The following SNX25 variants were observed in gnomAD, a reference collection of about 807,000 sequenced individuals.
The protein encoded by SNX25 is sorting nexin 25.
A neutral mutation model predicts 113.7 loss-of-function variants in SNX25; 62 were observed. The ratio of observed to expected loss-of-function variants is 0.55; its 90% CI spans 0.44 to 0.67. SNX25 has a LOEUF of 0.67. SNX25 is among the 30% of genes least tolerant of loss of function. The pLI is 0.00. For missense variants in SNX25, 1,014 were observed against 1,161.0 expected (o/e 0.87, Z 1.84); for synonymous variants, 421 against 436.2 (o/e 0.97, Z 0.43).
rs868094796 is a variant in SNX25, at chr4:185,333,873, A to G, written c.1914+1114A>G. Among the ~76,000 whole-genome samples, 8 of 151,352 alleles carry G rather than the reference A, an allele frequency of 5.3e-5. No homozygotes were observed. The East Asian group carries it at 9.8e-4, about 18-fold the overall frequency. ...AGCCTGGGCAACATAGGGAGACCCC[A>G]TTTCTAGTAAAAATAAAAAAAAAAA... is the stretch of plus-strand genomic sequence containing the variant. On this transcript the variant is annotated intron_variant, in intron 10 of 18. Transcript: ENST00000652585.
chr4:185,303,515 C>T (rs914226317), intron 6 of SNX25, among the ~76,000 whole-genome samples: 7 of 151,774 alleles, frequency 4.6e-5, no homozygotes, highest in African/African-American at 9.7e-5. Context: ...AAAAATTAGC[C>T]GGGCGTGGTG....
chr4:185,353,817 G>A (rs769938094), intron 15 of SNX25, among the ~76,000 whole-genome samples: 1 of 152,256 alleles, frequency 6.6e-6, no homozygotes, highest in Middle Eastern at 3.4e-3. Flanking sequence ...AGGCCAAGGC[G>A]GGTGGATCAT....
intron 10 of SNX25, among the ~76,000 whole-genome samples, chr4:185,339,154 T>A (rs1006159141): frequency 1.6e-4 from 25 of 152,212 alleles, no homozygotes; most frequent in Non-Finnish European, 1.5e-5. Context: ...TGTTTTGTAG[T>A]TTTCATTGTA....
Position 185,360,930 on chromosome 4 carries a change from A to AATATATATATATATATAT in SNX25, c.2652-988_2652-971dup, listed in dbSNP as rs3047488. On this transcript the variant is annotated intron_variant, in intron 16 of 18. Transcript: ENST00000652585. The stretch of plus-strand genomic sequence containing the variant: ...CGAGACTCCGTCTCAAAAAAAAAAT[A>AATATATATATATATATAT]ATATATATATATATATATATATAGA... Among the ~76,000 whole-genome samples, 401 of 139,498 alleles carry AATATATATATATATATAT rather than the reference A, an allele frequency of 2.9e-3. 1 individual carries two copies. The highest frequency in any genetic ancestry group is 0.01 in the African/African-American group (382 of 36,582). 91.5% of individuals were successfully genotyped at this position (139,498 alleles called of 152,430 possible).
At chr4:185,332,511 T>A (rs1310938587) in intron 9 of SNX25, 84 bp from the exon 10 acceptor site, 2 of 1,309,198 alleles carry the variant, frequency 1.5e-6, no homozygotes. Context: ...GAATGTAGTA[T>A]TTTGCAACAG....
intron 1 of SNX25, among the ~76,000 whole-genome samples, chr4:185,239,277 A>G (rs1386278060): frequency 4.0e-5 from 6 of 149,322 alleles, no homozygotes; most frequent in Non-Finnish European, 9.0e-5. Flanking sequence ...AGGTCAGGAG[A>G]TCGAGACCAT....
At chr4:185,325,586 A>AT (rs1258442953) in intron 9 of SNX25, among the ~76,000 whole-genome samples, 30 of 151,504 alleles carry the variant, frequency 2.0e-4, no homozygotes, top group Admixed American at 1.9e-3. Context: ...GCTGTATTAT[A>AT]TTGGTTTAAT....
At chr4:185,240,305 G>A (rs1324287500) in intron 1 of SNX25, among the ~76,000 whole-genome samples, 1 of 152,098 alleles carries the variant, frequency 6.6e-6, no homozygotes, top group Admixed American at 6.5e-5. Flanking sequence ...TGGGGTGGTG[G>A]CCGGGCAGAG....
chr4:185,319,121 A>C (rs1259478106), intron 7 of SNX25, among the ~76,000 whole-genome samples: 1 of 137,442 alleles, frequency 7.3e-6, no homozygotes, highest in Non-Finnish European at 1.6e-5. Flanking sequence ...TTTAAAGGAC[A>C]TATCATATTT....
chr4:185,264,839 A>C (rs1039136763), intron 4 of SNX25, among the ~76,000 whole-genome samples: 1 of 152,202 alleles, frequency 6.6e-6, no homozygotes, highest in African/African-American at 2.4e-5. Context: ...ACAAGTTTTT[A>C]TGCTCTTCAC....
At position 185,353,634 on chromosome 4, in the gene SNX25, T is replaced by A; in HGVS notation, c.2584+32T>A. On this transcript the variant is annotated intron_variant, in intron 15 of 18. Transcript: ENST00000652585. ...TTCTTTGTTATTATTTAGTGGTATT[T>A]GCTAGTTAAGTGGTATATATAATCG... The A allele has an allele frequency of 2.6e-6, 4 of 1,531,920 alleles. No homozygotes were observed. The East Asian group carries it at 9.0e-5, about 34-fold the overall frequency. 94.9% of individuals were successfully genotyped at this position (1,531,920 alleles called of 1,614,324 possible). A position where few individuals can be genotyped will look rare whatever the true frequency, so the allele number is the denominator to read the frequency against.
At chr4:185,321,378 T>C (rs1288527501) in intron 8 of SNX25, among the ~76,000 whole-genome samples, 1 of 151,214 alleles carries the variant, frequency 6.6e-6, no homozygotes, top group South Asian at 2.1e-4. Flanking sequence ...TTCTCCTCCC[T>C]CACACTCCCG....
At chr4:185,368,512 T>G (rs1291933491), downstream of SNX25, among the ~76,000 whole-genome samples, 1 of 152,196 alleles carries the variant, frequency 6.6e-6, no homozygotes, top group Non-Finnish European at 1.5e-5. Flanking sequence ...GCCGGTCCAG[T>G]GAACACCGCT....
chr4:185,334,792 A>G lies in SNX25; in HGVS notation c.1914+2033A>G, dbSNP rs1332065604. Among the ~76,000 whole-genome samples the G allele has an allele frequency of 6.6e-6, 1 of 152,188 alleles. No individual in the cohort carries two copies. The highest frequency in any genetic ancestry group is 6.5e-5 in the Admixed American group (1 of 15,280). ...AATTATATGAAAGAATTCTCAAGAA[A>G]CTTGGAGCGATTCACTGGTACTGTG... On this transcript the variant is annotated intron_variant, in intron 10 of 18. Transcript: ENST00000652585. This position sits in a 1 kb window ranked among gnomAD's most constrained non-coding sequence, Gnocchi z 4.2.
At chr4:185,316,019 A>G (rs1003400536) in intron 7 of SNX25, among the ~76,000 whole-genome samples, 2 of 152,252 alleles carry the variant, frequency 1.3e-5, no homozygotes, top group African/African-American at 4.8e-5. Flanking sequence ...ATACACATAT[A>G]TTCAATGAAA....
At chr4:185,265,506 T>G (rs576959979) in intron 4 of SNX25, among the ~76,000 whole-genome samples, 1 of 152,308 alleles carries the variant, frequency 6.6e-6, no homozygotes, top group South Asian at 2.1e-4. Flanking sequence ...TGAATGGAGC[T>G]TGCAGGACTG....
chr4:185,315,450 C>T (rs1194036825), intron 7 of SNX25, among the ~76,000 whole-genome samples: 2 of 151,818 alleles, frequency 1.3e-5, no homozygotes, highest in African/African-American at 2.4e-5. Flanking sequence ...TGCACCACCA[C>T]GCCCAGCTAA....
chr4:185,247,222 C>A, intron 1 of SNX25, 72 bp from the exon 2 acceptor site: 3 of 983,286 alleles, frequency 3.1e-6, no homozygotes, highest in Non-Finnish European at 3.1e-6. Context: ...GCATTTCATA[C>A]CTTTGATTTT....
At chr4:185,265,945 T>A (rs962457503) in intron 4 of SNX25, among the ~76,000 whole-genome samples, 1 of 152,192 alleles carries the variant, frequency 6.6e-6, no homozygotes, top group Non-Finnish European at 1.5e-5. Flanking sequence ...TTTGTGAACT[T>A]GGAATATGTA....
Sources: gnomAD v4.1 joint callset for allele counts (sites outside exome capture counted in the v4.1 genomes callset) on GRCh38, gnomAD v4.1.1 for gene constraint, Gnocchi (gnomAD v3.1) non-coding constraint, MANE v1.5 for transcripts, NCBI Gene and HGNC (gene_info 2026-07-23, HGNC 2026-07-21) for gene names.